Variants in ASTN2 observed in about 807,000 individuals in gnomAD.
ASTN2 encodes astrotactin-2.
ASTN2 carries 54 observed loss-of-function variants against 139.8 expected under a neutral mutation model. The ratio of observed to expected loss-of-function variants is 0.39; its 90% CI spans 0.31 to 0.48. The LOEUF is 0.48. ASTN2 is among the 20% of genes least tolerant of loss of function. The pLI is 0.95. For missense variants in ASTN2, 1,565 were observed against 1,725.1 expected (o/e 0.91, Z 1.64); for synonymous variants, 756 against 719.5 (o/e 1.05, Z -0.81).
At chr9:116,719,498 G>A (rs574242773) in intron 16 of ASTN2, among the ~76,000 whole-genome samples, 2 of 152,196 alleles carry the variant, frequency 1.3e-5, no homozygotes, top group Admixed American at 6.5e-5. Flanking sequence ...TAGGTTTCTG[G>A]TTCTGCTTCT....
intron 10 of ASTN2, among the ~76,000 whole-genome samples, chr9:116,910,246 C>T (rs1457340083): frequency 2.0e-5 from 3 of 152,146 alleles, no homozygotes; most frequent in African/African-American, 4.8e-5. Flanking sequence ...CATGACAAAT[C>T]GACAGCACTT....
At position 116,967,772 on chromosome 9, in the gene ASTN2, C is replaced by T. The variant is rs73655565; in HGVS notation, c.1889+7436G>A. On this transcript the variant is annotated intron_variant, in intron 10 of 22. Transcript: ENST00000313400. Reference sequence around the variant, plus strand: ...CGGGATCCTTCTCAAGCCAAGTGCCCCCATGCAATTCATCGAGTGACTGGC... The same window carrying T: ...CGGGATCCTTCTCAAGCCAAGTGCCTCCATGCAATTCATCGAGTGACTGGC... 3.0e-3 allele frequency among the ~76,000 whole-genome samples: 458 copies of T among 152,296 alleles called. 4 individuals carry two copies. Among genetic ancestry groups the T allele is most frequent in the African/African-American group, 7.8e-3 (326 of 41,566 alleles).
chr9:117,157,480 T>C (rs971639508), intron 3 of ASTN2, among the ~76,000 whole-genome samples: 5 of 151,928 alleles, frequency 3.3e-5, no homozygotes, highest in African/African-American at 9.7e-5. Flanking sequence ...TCAATTAACT[T>C]ATATGACTCA....
At chr9:116,540,786 T>A (rs1181592814) in intron 19 of ASTN2, 1 of 152,174 alleles carries the variant, frequency 6.6e-6, no homozygotes, top group Non-Finnish European at 1.5e-5. Context: ...CTGGTCTTCA[T>A]AAGAGATTAT....
chr9:117,064,408 T>G (rs1032143786), intron 5 of ASTN2, among the ~76,000 whole-genome samples: 1 of 152,104 alleles, frequency 6.6e-6, no homozygotes, highest in Non-Finnish European at 1.5e-5. Context: ...CCCTGTTGTA[T>G]CAAATGGGGA....
intron 19 of ASTN2, among the ~76,000 whole-genome samples, chr9:116,495,437 A>C (rs1473304933): frequency 6.6e-6 from 1 of 152,170 alleles, no homozygotes; most frequent in African/African-American, 2.4e-5. Flanking sequence ...CCTAGGCTTA[A>C]TCAATCAGAC....
At chr9:116,942,517 T>C (rs1038248320) in intron 10 of ASTN2, among the ~76,000 whole-genome samples, 9 of 152,188 alleles carry the variant, frequency 5.9e-5, no homozygotes, top group Non-Finnish European at 1.2e-4. Flanking sequence ...AGCTTCAAAA[T>C]GTTTATCATA....
intron 16 of ASTN2, among the ~76,000 whole-genome samples, chr9:116,661,175 T>A (rs953836563): frequency 3.9e-5 from 6 of 152,030 alleles, no homozygotes; most frequent in Non-Finnish European, 7.4e-5. Flanking sequence ...CATTTACTTC[T>A]TCCTCCTGGG....
At position 116,968,898 on chromosome 9, in the gene ASTN2, C is replaced by CAAAA. The variant is rs34706777; in HGVS notation, c.1889+6306_1889+6309dup. ...TGGATGACAGAGTGAGACTCTGTCT[C>CAAAA]AAAAAAAAAAAAAAAAAAGTTCCTC... is the stretch of plus-strand genomic sequence containing the variant. On this transcript the variant is annotated intron_variant, in intron 10 of 22. Transcript: ENST00000313400. Among the ~76,000 whole-genome samples, 80 of 93,516 alleles carry CAAAA rather than the reference C, an allele frequency of 8.6e-4. 1 individual carries two copies. The highest frequency in any genetic ancestry group is 2.1e-3 in the Admixed American group (19 of 8,920). 61.4% of individuals were successfully genotyped at this position (93,516 alleles called of 152,430 possible).
chr9:116,997,501 G>A (rs1338736197), intron 7 of ASTN2, among the ~76,000 whole-genome samples: 1 of 151,686 alleles, frequency 6.6e-6, no homozygotes, highest in Non-Finnish European at 1.5e-5. Flanking sequence ...AACTTATTCA[G>A]TAAATTCTTT....
intron 2 of ASTN2, among the ~76,000 whole-genome samples, chr9:117,253,523 C>T (rs561524054): frequency 6.6e-6 from 1 of 151,430 alleles, no homozygotes; most frequent in Admixed American, 6.6e-5. Flanking sequence ...GACATTGTGA[C>T]AAAAGCAAGG....
At chr9:117,078,963 T>C (rs1322938199) in intron 5 of ASTN2, among the ~76,000 whole-genome samples, 1 of 152,092 alleles carries the variant, frequency 6.6e-6, no homozygotes, top group African/African-American at 2.4e-5. Context: ...CTTGAACTCC[T>C]GACCTCAGGC....
intron 10 of ASTN2, among the ~76,000 whole-genome samples, chr9:116,967,369 G>A (rs535850298): frequency 4.1e-4 from 63 of 152,262 alleles, no homozygotes; most frequent in Middle Eastern, 3.4e-3. Context: ...TATTCACTTC[G>A]CCCAATACCT....
intron 16 of ASTN2, among the ~76,000 whole-genome samples, chr9:116,708,389 C>T (rs1190436845): frequency 1.3e-5 from 2 of 152,182 alleles, no homozygotes; most frequent in African/African-American, 4.8e-5. Context: ...ATTTTAGCAG[C>T]GACTCAGCCA....
chr9:116,511,149 T>C (rs1850357801), intron 19 of ASTN2, among the ~76,000 whole-genome samples: 1 of 152,202 alleles, frequency 6.6e-6, no homozygotes, highest in African/African-American at 2.4e-5. Context: ...CTGTCATAGA[T>C]AGCTCTTATT....
chr9:117,022,430 A>G lies in ASTN2; in HGVS notation c.1424-14171T>C, dbSNP rs148546223. 7.6e-4 allele frequency among the ~76,000 whole-genome samples: 112 copies of G among 147,368 alleles called. 3 individuals carry two copies. The East Asian group carries it at 0.019, about 25-fold the overall frequency. Reference sequence around the variant, plus strand: ...TCACTTCTGAGAAATAGTCATGTACAGTATCCCAGGGCAAAAAAAAAAAAC... The same window carrying G: ...TCACTTCTGAGAAATAGTCATGTACGGTATCCCAGGGCAAAAAAAAAAAAC... On this transcript the variant is annotated intron_variant, in intron 6 of 22. Coordinates refer to ENST00000313400, the MANE Select transcript of ASTN2 (RefSeq NM_001365068.1).
chr9:117,026,472 C>A (rs757374133), intron 6 of ASTN2, among the ~76,000 whole-genome samples: 5 of 152,134 alleles, frequency 3.3e-5, no homozygotes, highest in Non-Finnish European at 5.9e-5. Context: ...GGGTCATCAA[C>A]CTTTCAGGGA....
At chr9:116,756,353 C>T (rs1829531763) in intron 13 of ASTN2, among the ~76,000 whole-genome samples, 1 of 151,928 alleles carries the variant, frequency 6.6e-6, no homozygotes, top group Non-Finnish European at 1.5e-5. Flanking sequence ...ATTTCCTAAT[C>T]AGTAAATGTG....
intron 2 of ASTN2, among the ~76,000 whole-genome samples, chr9:117,218,697 G>A (rs1423117091): frequency 6.6e-6 from 1 of 152,126 alleles, no homozygotes; most frequent in Non-Finnish European, 1.5e-5. Flanking sequence ...TTGCTCCTAT[G>A]GACCTTCAGT....
Sources: allele counts gnomAD v4.1 joint callset (sites outside exome capture counted in the v4.1 genomes callset), GRCh38; gene constraint gnomAD v4.1.1; transcripts MANE v1.5; gene names NCBI Gene and HGNC (gene_info 2026-07-23, HGNC 2026-07-21).